CADPS2: variants seen among roughly 807,000 people sequenced by gnomAD.
CADPS2 encodes the protein calcium-dependent secretion activator 2.
In CADPS2, 93 loss-of-function variants were observed where a neutral mutation model predicts 172.5. That is an observed-to-expected ratio of 0.54 (90% CI 0.46 to 0.64). The LOEUF (loss-of-function observed/expected upper bound fraction) is 0.64, where lower values mean the gene tolerates loss of function less well. Among genes scored for constraint, CADPS2 ranks in the 30% least tolerant of loss-of-function variants. The pLI is 0.00. For synonymous variants in CADPS2, 546 were observed against 555.2 expected, an observed-to-expected ratio of 0.98 and a Z score of 0.23; for missense variants, 1,420 against 1,565.9, an observed-to-expected ratio of 0.91 and a Z score of 1.57.
chr7:122,815,945 G>A (rs932614613), intron 1 of CADPS2, among the ~76,000 whole-genome samples: 4 of 152,086 alleles, frequency 2.6e-5, no homozygotes, highest in African/African-American at 9.7e-5. Context: ...TTTGATACAA[G>A]CATACAATGT....
At chr7:122,406,048 T>C (rs1292686767) in intron 20 of CADPS2, among the ~76,000 whole-genome samples, 5 of 152,268 alleles carry the variant, frequency 3.3e-5, no homozygotes, top group South Asian at 2.1e-4. Flanking sequence ...GCTCATGTTG[T>C]TAATTACTCT....
At chr7:122,406,301 G>A (rs1341694999) in intron 20 of CADPS2, among the ~76,000 whole-genome samples, 1 of 152,166 alleles carries the variant, frequency 6.6e-6, no homozygotes, top group African/African-American at 2.4e-5. Context: ...ATGAGTTTAG[G>A]TTTACAACCA....
chr7:122,711,010 G>A (rs1481502849), intron 2 of CADPS2, among the ~76,000 whole-genome samples: 1 of 152,090 alleles, frequency 6.6e-6, no homozygotes, highest in Non-Finnish European at 1.5e-5. Context: ...CATATCTGGA[G>A]CTTTTATAAT....
At chr7:122,679,318 T>G (rs1307380499) in intron 2 of CADPS2, among the ~76,000 whole-genome samples, 2 of 132,208 alleles carry the variant, frequency 1.5e-5, no homozygotes, top group Non-Finnish European at 3.1e-5. Flanking sequence ...CTCATGCACA[T>G]GTAGATAGGA....
At chr7:122,447,846 C>A (rs146817950) in intron 15 of CADPS2, among the ~76,000 whole-genome samples, 2 of 152,012 alleles carry the variant, frequency 1.3e-5, no homozygotes, top group Non-Finnish European at 2.9e-5. Context: ...AGCCACTGCA[C>A]CCAGCCAGTT....
chr7:122,715,403 G>A (rs1209455614), intron 2 of CADPS2, among the ~76,000 whole-genome samples: 5 of 152,056 alleles, frequency 3.3e-5, no homozygotes, highest in Non-Finnish European at 7.4e-5. Context: ...GTGGTGACTT[G>A]AGCTTGTGAA....
intron 1 of CADPS2, among the ~76,000 whole-genome samples, chr7:122,868,357 G>A (rs889531241): frequency 1.3e-5 from 2 of 152,058 alleles, no homozygotes; most frequent in Non-Finnish European, 2.9e-5. Flanking sequence ...GTGTAGGGCA[G>A]AATGAGTGGG....
intron 17 of CADPS2, among the ~76,000 whole-genome samples, chr7:122,425,809 T>C (rs1194627814): frequency 1.3e-5 from 2 of 152,212 alleles, no homozygotes; most frequent in Non-Finnish European, 2.9e-5. Flanking sequence ...ATAGCATCTT[T>C]AGTATCATGC....
At chr7:122,852,933 T>C (rs189038084) in intron 1 of CADPS2, among the ~76,000 whole-genome samples, 2 of 152,216 alleles carry the variant, frequency 1.3e-5, no homozygotes, top group South Asian at 4.1e-4. Context: ...GAATCCTACA[T>C]GCAGACTGCT....
At chr7:122,368,273 G>C (rs537409584) in intron 25 of CADPS2, 3 of 152,516 alleles carry the variant, frequency 2.0e-5, no homozygotes, top group African/African-American at 4.8e-5. Context: ...TCTACAAGCT[G>C]GTCTCACAGA....
chr7:122,663,659 G>T, intron 2 of CADPS2, 90 bp from the exon 3 acceptor site: 1 of 923,116 alleles, frequency 1.1e-6, no homozygotes, highest in Non-Finnish European at 1.6e-6. Context: ...TCCAGCCAGA[G>T]TTTCTACAAA....
intron 1 of CADPS2, among the ~76,000 whole-genome samples, chr7:122,813,919 G>A (rs1800672592): frequency 6.6e-6 from 1 of 151,984 alleles, no homozygotes; most frequent in Non-Finnish European, 1.5e-5. Flanking sequence ...TGTGAGGGCT[G>A]AGTGAAAGTT....
intron 1 of CADPS2, among the ~76,000 whole-genome samples, chr7:122,878,957 C>T (rs1298949962): frequency 1.3e-5 from 2 of 152,054 alleles, no homozygotes; most frequent in Non-Finnish European, 2.9e-5. Context: ...GGCTGCAGGC[C>T]GGGCATCTTG....
chr7:122,324,549 C>G (rs532988928), intron 29 of CADPS2, among the ~76,000 whole-genome samples: 1 of 152,100 alleles, frequency 6.6e-6, no homozygotes, highest in Non-Finnish European at 1.5e-5. Context: ...CTAACAAGTT[C>G]CCAGGTGATG....
intron 20 of CADPS2, among the ~76,000 whole-genome samples, chr7:122,395,715 C>T (rs1378978302): frequency 6.6e-6 from 1 of 152,180 alleles, no homozygotes; most frequent in Non-Finnish European, 1.5e-5. Context: ...CTCCTCATCC[C>T]TAGCATATTT....
chr7:122,679,836 T>A (rs2082833577), intron 2 of CADPS2, among the ~76,000 whole-genome samples: 1 of 152,190 alleles, frequency 6.6e-6, no homozygotes, highest in Admixed American at 6.5e-5. Context: ...ATAGCAGAAC[T>A]CAGGCCCCTC....
At chr7:122,405,914 G>T (rs181590150) in intron 20 of CADPS2, among the ~76,000 whole-genome samples, 84 of 152,300 alleles carry the variant, frequency 5.5e-4, no homozygotes, top group African/African-American at 1.8e-3. Flanking sequence ...CACTGACAAT[G>T]ACACTGTTGG....
chr7:122,589,214 A>G (rs2070318490), intron 6 of CADPS2, among the ~76,000 whole-genome samples: 1 of 152,022 alleles, frequency 6.6e-6, no homozygotes, highest in Admixed American at 6.6e-5. Flanking sequence ...AGTAGACACA[A>G]TATCCCACCT....
chr7:122,423,623 A>G (rs1242870930), intron 17 of CADPS2, among the ~76,000 whole-genome samples: 2 of 152,252 alleles, frequency 1.3e-5, no homozygotes, highest in Admixed American at 1.3e-4. Context: ...ACTGAAACCC[A>G]AATGATATTA....
Sources: gnomAD v4.1 joint callset for allele counts (sites outside exome capture counted in the v4.1 genomes callset) on GRCh38, gnomAD v4.1.1 for gene constraint, MANE v1.5 for transcripts, NCBI Gene and HGNC (gene_info 2026-07-23, HGNC 2026-07-21) for gene names.